BMP8B: variants seen among roughly 807,000 people sequenced by gnomAD.
BMP8B encodes the protein bone morphogenetic protein 8 (osteogenic protein 2).
A neutral mutation model predicts 30.3 loss-of-function variants in BMP8B; 17 were observed. The observed-to-expected ratio is 0.56, with a 90% CI of 0.38 to 0.84. The LOEUF (loss-of-function observed/expected upper bound fraction) is 0.84. Ranked by LOEUF, BMP8B falls within the 40% of genes least tolerant of loss-of-function variation. The pLI is 0.00. For missense variants in BMP8B, 253 were observed against 494.6 expected (o/e 0.51, Z 4.63); for synonymous variants, 131 against 214.7 (o/e 0.61, Z 3.41).
Position 39,760,416 on chromosome 1 carries a change from G to GACTC in BMP8B, c.1208_*2dup. 6.2e-7 allele frequency: 1 copy of GACTC among 1,613,770 alleles called. No individual in the cohort carries two copies. The highest frequency in any genetic ancestry group is 8.5e-7 in the Non-Finnish European group (1 of 1,180,006). ...TGGCTGCAGCTGGGCCGGGCGGGTG[G>GACTC]ACTCAGTGGCAGCCGCAGGCCTTGA... On this transcript the variant is annotated 3_prime_UTR_variant, in exon 7 of 7. Transcript: ENST00000372827.
intron 1 of BMP8B, among the ~76,000 whole-genome samples, chr1:39,776,235 G>A (rs1650221201): frequency 2.0e-5 from 3 of 152,090 alleles, no homozygotes; most frequent in Admixed American, 2.0e-4. Context: ...AACAAAGGCT[G>A]TAGTTGCGGA....
At chr1:39,778,134 C>T (rs1650362240) in intron 1 of BMP8B, among the ~76,000 whole-genome samples, 1 of 152,264 alleles carries the variant, frequency 6.6e-6, no homozygotes, top group African/African-American at 2.4e-5. Context: ...GCCCCGGCCC[C>T]TTCTTCCCAA....
intron 1 of BMP8B, among the ~76,000 whole-genome samples, chr1:39,778,133 C>G (rs11804692): frequency 3.3e-5 from 5 of 152,252 alleles, no homozygotes; most frequent in African/African-American, 9.6e-5. Context: ...TGCCCCGGCC[C>G]CTTCTTCCCA....
chr1:39,788,586 C>T lies in BMP8B; in HGVS notation c.-101G>A. ...GCCCCGACGGCAAGGAGGCTGGGCT[C>T]GGCGGGCGGCGGGCGGCGGGGCGGG... On this transcript the variant is annotated 5_prime_UTR_variant, in exon 1 of 7. Coordinates refer to ENST00000372827, the MANE Select transcript of BMP8B (RefSeq NM_001720.5). This position sits in a 1 kb window ranked among gnomAD's most constrained non-coding sequence, Gnocchi z 5.8. 2 of 908,466 alleles carry T rather than the reference C, an allele frequency of 2.2e-6. No individual in the cohort carries two copies. Among genetic ancestry groups the T allele is most frequent in the Non-Finnish European group, 1.3e-6 (1 of 760,956 alleles). 56.3% of individuals were successfully genotyped at this position (908,466 alleles called of 1,614,324 possible).
rs774960402 is a variant in BMP8B at position 39,788,294 on chromosome 1, G to C, written c.192C>G (p.Pro64=). Residue 64 remains proline, a synonymous_variant, in exon 1 of 7, where the codon CCC becomes CCG. Coordinates refer to ENST00000372827, the MANE Select transcript of BMP8B (RefSeq NM_001720.5). The surrounding 1 kb of genome is among the most constrained non-coding windows in gnomAD (Gnocchi z 5.8). ...CGGACGCGGGCAGCCGGGAGGCGGC[G>C]GGTGGCGCGCGGGGCCGGGGCCGCC... ...LPGRPRPRAP[P]AASRLPASAP... 1 of 1,294,688 alleles carries C rather than the reference G, an allele frequency of 7.7e-7. No homozygotes were observed. 80.2% of individuals were successfully genotyped at this position (1,294,688 alleles called of 1,614,324 possible). A position where few individuals can be genotyped will look rare whatever the true frequency, so the allele number is the denominator to read the frequency against.
chr1:39,767,128 A>C (rs1315821743), intron 3 of BMP8B, among the ~76,000 whole-genome samples: 1 of 151,714 alleles, frequency 6.6e-6, no homozygotes, highest in African/African-American at 2.4e-5. Flanking sequence ...GTCGCATTAG[A>C]TCAGTTACAC....
chr1:39,786,108 T>C (rs1650967821), intron 1 of BMP8B, among the ~76,000 whole-genome samples: 1 of 152,198 alleles, frequency 6.6e-6, no homozygotes, highest in Non-Finnish European at 1.5e-5. Flanking sequence ...TTAACCTCTC[T>C]GAGCCCATGA....
chr1:39,785,525 C>T (rs2780921), intron 1 of BMP8B, among the ~76,000 whole-genome samples: 5 of 152,242 alleles, frequency 3.3e-5, no homozygotes, highest in Non-Finnish European at 5.9e-5. Context: ...AGCCCCGCCC[C>T]CTGGGTCCCA....
At chr1:39,787,835 G>A (rs1234875435) in intron 1 of BMP8B, among the ~76,000 whole-genome samples, 2 of 152,290 alleles carry the variant, frequency 1.3e-5, no homozygotes, top group African/African-American at 4.8e-5. Flanking sequence ...GTCTCCCCAG[G>A]ACCAGGCTGT....
rs1648648512 is a variant in BMP8B, at chr1:39,759,391, G to C, written c.*1028C>G. On this transcript the variant is annotated 3_prime_UTR_variant, in exon 7 of 7. Transcript: ENST00000372827. ...CATGTTGCCGATACATGCTCGGGCAGGGATGGACTGCTCCTCAGCATGGCA... is the reference window on the plus strand; with the variant it reads ...CATGTTGCCGATACATGCTCGGGCACGGATGGACTGCTCCTCAGCATGGCA... 4 of 152,298 alleles carry C rather than the reference G, an allele frequency of 2.6e-5. No homozygotes were observed. Among genetic ancestry groups the C allele is most frequent in the Admixed American group, 2.6e-4 (4 of 15,288 alleles). 9.4% of individuals were successfully genotyped at this position (152,298 alleles called of 1,614,324 possible).
chr1:39,767,107 C>A (rs1207046616), intron 3 of BMP8B, among the ~76,000 whole-genome samples: 3 of 151,700 alleles, frequency 2.0e-5, no homozygotes, highest in Non-Finnish European at 3.0e-5. Context: ...CTCCCAGACA[C>A]AGGATAGAAT....
At chr1:39,762,746 A>C in intron 6 of BMP8B, 1 of 1,390,646 alleles carries the variant, frequency 7.2e-7, no homozygotes, top group Non-Finnish European at 9.6e-7. Flanking sequence ...TGCTAAGATC[A>C]CACAGCCCCC....
intron 5 of BMP8B, 76 bp from the exon 6 acceptor site, chr1:39,763,278 C>A: frequency 7.2e-7 from 1 of 1,379,908 alleles, no homozygotes; most frequent in Non-Finnish European, 1.0e-6. Flanking sequence ...CATCCTCCAG[C>A]CCTGCAGGGC....
chr1:39,786,101 A>G (rs1252782629), intron 1 of BMP8B, among the ~76,000 whole-genome samples: 1 of 152,036 alleles, frequency 6.6e-6, no homozygotes, highest in East Asian at 1.9e-4. Context: ...TGGCTATTTA[A>G]CCTCTCTGAG....
chr1:39,784,595 T>C (rs1352248494), intron 1 of BMP8B, among the ~76,000 whole-genome samples: 1 of 110,496 alleles, frequency 9.1e-6, no homozygotes, highest in Non-Finnish European at 2.0e-5. Flanking sequence ...TGGTCCGTGG[T>C]AGGTGCTACA....
chr1:39,766,773 G>A lies in BMP8B; in HGVS notation c.674-1956C>T, dbSNP rs536692891. ...CAGGGCTTGGTTCACGGTGAGTCAA[G>A]GTTATGGGGAAGCAGCAGAAATACA... On this transcript the variant is annotated intron_variant, in intron 3 of 6. Coordinates refer to ENST00000372827, the MANE Select transcript of BMP8B (RefSeq NM_001720.5). Among the ~76,000 whole-genome samples the A allele has an allele frequency of 1.1e-3, 160 of 145,100 alleles. 3 individuals carry two copies. The highest frequency in any genetic ancestry group is 4.2e-3 in the African/African-American group (153 of 36,632).
At chr1:39,763,656 C>G in intron 5 of BMP8B, 56 bp downstream of exon 5, 1 of 1,558,358 alleles carries the variant, frequency 6.4e-7, no homozygotes, top group Non-Finnish European at 8.8e-7. Context: ...TGCAGATTCA[C>G]TTCTGATCTA....
intron 6 of BMP8B, 70 bp downstream of exon 6, chr1:39,763,022 A>G (rs1037029838): frequency 1.0e-4 from 160 of 1,560,924 alleles, no homozygotes; most frequent in Middle Eastern, 6.7e-4. Context: ...CCTCCCAGCC[A>G]GCTGGACCAG....
intron 4 of BMP8B, among the ~76,000 whole-genome samples, chr1:39,764,219 G>A (rs1649422362): frequency 6.6e-6 from 1 of 152,268 alleles, no homozygotes; most frequent in Non-Finnish European, 1.5e-5. Flanking sequence ...ACGGGGTTGG[G>A]TCAGGCCTGT....
Sources: allele counts gnomAD v4.1 joint callset (sites outside exome capture counted in the v4.1 genomes callset), GRCh38; gene constraint gnomAD v4.1.1; non-coding constraint Gnocchi (gnomAD v3.1); transcripts MANE v1.5; gene names NCBI Gene and HGNC (gene_info 2026-07-23, HGNC 2026-07-21).